The following POM121C variants were observed in gnomAD, a reference collection of about 807,000 sequenced individuals.
POM121C encodes the protein POM121 transmembrane nucleoporin C.
A neutral mutation model predicts 66.4 loss-of-function variants in POM121C; 20 were observed. The ratio of observed to expected loss-of-function variants is 0.30; its 90% CI spans 0.21 to 0.44. The LOEUF is 0.44. POM121C is among the 20% of genes least tolerant of loss of function. The pLI is 1.00. For synonymous variants in POM121C, 286 were observed against 528.0 expected (o/e 0.54, Z 6.28); for missense variants, 580 against 1,225.7 (o/e 0.47, Z 7.87).
At chr7:75,450,410 A>G (rs10953513) in intron 3 of POM121C, among the ~76,000 whole-genome samples, 54,559 of 151,430 alleles carry the variant, frequency 0.36, 12,641 homozygotes, top group East Asian at 0.89. Context: ...AGTCACAAGC[A>G]CTCAGTTGTT....
At chr7:75,452,856 G>C (rs1554475784) in intron 3 of POM121C, among the ~76,000 whole-genome samples, 1 of 152,128 alleles carries the variant, frequency 6.6e-6, no homozygotes, top group African/African-American at 2.4e-5. Flanking sequence ...AATAATACAG[G>C]TACCACCTGT....
intron 3 of POM121C, among the ~76,000 whole-genome samples, chr7:75,472,206 C>T (rs1791908441): frequency 6.6e-6 from 1 of 151,130 alleles, no homozygotes; most frequent in Admixed American, 6.6e-5. Flanking sequence ...TTTTTTTAAC[C>T]ACAATTTAAA....
intron 3 of POM121C, among the ~76,000 whole-genome samples, chr7:75,472,865 G>A (rs1791929482): frequency 1.3e-5 from 2 of 152,048 alleles, no homozygotes; most frequent in Non-Finnish European, 2.9e-5. Flanking sequence ...GAGGAAGAAA[G>A]GAAGGGAAAA....
intron 1 of POM121C, among the ~76,000 whole-genome samples, chr7:75,481,851 T>C (rs1417578433): frequency 3.3e-5 from 5 of 151,928 alleles, no homozygotes; most frequent in African/African-American, 9.7e-5. Flanking sequence ...GGCTAGTAAA[T>C]AAAGAAGAAA....
chr7:75,448,700 G>C (rs1790918850), intron 3 of POM121C, among the ~76,000 whole-genome samples: 1 of 142,642 alleles, frequency 7.0e-6, no homozygotes, highest in East Asian at 2.1e-4. Context: ...ACTCGGGAGG[G>C]TGAGGCAGGA....
chr7:75,423,927 G>A, intron 12 of POM121C, 122 bp downstream of exon 12: 3 of 1,509,898 alleles, frequency 2.0e-6, no homozygotes, highest in East Asian at 4.6e-5. Context: ...CCGGTGTGCT[G>A]AGCCAGGGTG....
intron 7 of POM121C, among the ~76,000 whole-genome samples, chr7:75,436,148 T>C (rs1308762823): frequency 1.3e-5 from 2 of 152,166 alleles, no homozygotes; most frequent in Non-Finnish European, 2.9e-5. Flanking sequence ...ATAGATTACA[T>C]AAAAAATCCT....
chr7:75,439,403 C>CA (rs1790543010), intron 5 of POM121C, among the ~76,000 whole-genome samples, 179 bp from the exon 6 acceptor site: 1 of 151,878 alleles, frequency 6.6e-6, no homozygotes, highest in South Asian at 2.1e-4. Context: ...TTTTTTCAGA[C>CA]AGAGTTTCAC....
intron 1 of POM121C, among the ~76,000 whole-genome samples, chr7:75,485,329 G>T (rs28535171): frequency 0.38 from 58,116 of 151,892 alleles, 14,024 homozygotes; most frequent in East Asian, 0.94. Context: ...ACGGGAGAAA[G>T]AACACTGGCC....
intron 3 of POM121C, among the ~76,000 whole-genome samples, chr7:75,449,511 C>T (rs1790948901): frequency 6.6e-6 from 1 of 151,964 alleles, no homozygotes; most frequent in African/African-American, 2.4e-5. Context: ...ACTATAGGCG[C>T]CCGCTGCCAC....
intron 3 of POM121C, among the ~76,000 whole-genome samples, chr7:75,456,659 C>T (rs1188237395): frequency 1.3e-5 from 2 of 152,256 alleles, no homozygotes; most frequent in African/African-American, 2.4e-5. Context: ...ACATGAGACA[C>T]AATCAACATG....
Position 75,441,858 on chromosome 7 carries a change from G to T in POM121C, c.-151-211C>A, listed in dbSNP as rs1246947976. 2.6e-5 allele frequency among the ~76,000 whole-genome samples: 4 copies of T among 151,568 alleles called. No individual in the cohort carries two copies. The East Asian group carries it at 7.8e-4, about 30-fold the overall frequency. On this transcript the variant is annotated intron_variant, in intron 3 of 14. Coordinates refer to ENST00000615331, the MANE Select transcript of POM121C (RefSeq NM_001099415.3). ...TTAACAGCTGTCTCAACAATGGATT[G>T]CAACAATTTGAGAGGGAAAATCTAA...
In POM121C at chr7:75,422,135, G is replaced by A. The variant is rs1349205926; in HGVS notation, c.2117C>T (p.Ala706Val). The A allele has an allele frequency of 1.2e-5, 20 of 1,600,746 alleles. No homozygotes were observed. The highest frequency in any genetic ancestry group is 4.1e-4 in the Middle Eastern group (2 of 4,868). The change falls in exon 13 of 15, where the codon GCA becomes GTA. Residue 706 changes from alanine (A) to valine (V), a missense_variant. Coordinates refer to ENST00000615331, the MANE Select transcript of POM121C (RefSeq NM_001099415.3). The stretch of plus-strand genomic sequence containing the variant: ...TGGCTGCCCCTCAGCGGCCCCAAAT[G>A]CGGGCTGGGGGTTGGCTCCCGGATA... ...PSYPGANPQPAFGAAEGQPPG... is the reference protein window; with the variant it reads ...PSYPGANPQPVFGAAEGQPPG...
At chr7:75,468,515 C>T (rs1554478183) in intron 3 of POM121C, among the ~76,000 whole-genome samples, 2 of 152,102 alleles carry the variant, frequency 1.3e-5, no homozygotes, top group Non-Finnish European at 1.5e-5. Context: ...GACAGGATTT[C>T]GCCATGTTGG....
chr7:75,454,240 G>A (rs1172359689), intron 3 of POM121C, among the ~76,000 whole-genome samples: 3 of 152,154 alleles, frequency 2.0e-5, no homozygotes, highest in East Asian at 1.9e-4. Flanking sequence ...TCATGGAAGC[G>A]CAGGATGGGG....
chr7:75,454,510 A>G (rs1266832453), intron 3 of POM121C, among the ~76,000 whole-genome samples: 2 of 152,178 alleles, frequency 1.3e-5, no homozygotes, highest in African/African-American at 4.8e-5. Context: ...CCCCCTTAGA[A>G]GAGGAGCAGC....
rs587639526 is a variant in POM121C, at chr7:75,418,564, C to G, written c.*232G>C. The G allele has an allele frequency of 4.4e-4, 596 of 1,340,608 alleles. 11 individuals are homozygous for G. In the African/African-American group the frequency reaches 8.2e-3, roughly 19 times the overall value. 83.0% of individuals were successfully genotyped at this position (1,340,608 alleles called of 1,614,324 possible). ...CTCCAGCCTCCCCAGTGGAACTGTT[C>G]AAGTAGAGGTCCCGGGCTTTGGCCC... On this transcript the variant is annotated 3_prime_UTR_variant, in exon 15 of 15. Transcript: ENST00000615331.
At chr7:75,433,234 CAAAA>C (rs782004307) in intron 7 of POM121C, among the ~76,000 whole-genome samples, 1 of 44,250 alleles carries the variant, frequency 2.3e-5, no homozygotes, top group African/African-American at 7.5e-5. Context: ...GACTCTGTCT[CAAAA>C]AAAAAAAAAA....
chr7:75,463,638 G>A (rs587620539), intron 3 of POM121C, among the ~76,000 whole-genome samples: 374 of 151,968 alleles, frequency 2.5e-3, no homozygotes, highest in South Asian at 7.7e-3. Flanking sequence ...AGCAAACCCA[G>A]GGGTGGTGGG....
Sources: allele counts gnomAD v4.1 joint callset (sites outside exome capture counted in the v4.1 genomes callset), GRCh38; gene constraint gnomAD v4.1.1; transcripts MANE v1.5; gene names NCBI Gene and HGNC (gene_info 2026-07-23, HGNC 2026-07-21).